SLCO6A1: variants seen among roughly 807,000 people sequenced by gnomAD.
The protein encoded by SLCO6A1 is solute carrier organic anion transporter family member 6A1.
SLCO6A1 carries 65 observed loss-of-function variants against 72.7 expected under a neutral mutation model. That is an observed-to-expected ratio of 0.89 (90% CI 0.73 to 1.10). SLCO6A1 has a LOEUF of 1.10. SLCO6A1 is among the 50% of genes least tolerant of loss of function. The probability of loss-of-function intolerance (pLI) is 0.00; values close to 1 mark genes in which losing one functional copy is unlikely to be tolerated. For missense variants in SLCO6A1, 874 were observed against 872.6 expected (o/e 1.00, Z -0.02); for synonymous variants, 314 against 298.2 (o/e 1.05, Z -0.55).
At chr5:102,455,035 G>A (rs1750635455) in intron 6 of SLCO6A1, among the ~76,000 whole-genome samples, 1 of 83,938 alleles carries the variant, frequency 1.2e-5, no homozygotes, top group African/African-American at 6.4e-5. Flanking sequence ...TATAAATTAT[G>A]TTATAACAAA....
chr5:102,403,763 A>T (rs923068890), intron 9 of SLCO6A1, among the ~76,000 whole-genome samples: 1 of 152,300 alleles, frequency 6.6e-6, no homozygotes, highest in East Asian at 1.9e-4. Flanking sequence ...ATGATTATTC[A>T]TCTGACAAAT....
At chr5:102,482,085 A>G (rs1477447456) in intron 1 of SLCO6A1, among the ~76,000 whole-genome samples, 7 of 152,194 alleles carry the variant, frequency 4.6e-5, no homozygotes, top group African/African-American at 1.7e-4. Flanking sequence ...ATAATGGCCA[A>G]TGTAGGAAAT....
intron 9 of SLCO6A1, among the ~76,000 whole-genome samples, chr5:102,400,521 G>C (rs1464624182): frequency 1.3e-5 from 2 of 152,014 alleles, no homozygotes; most frequent in African/African-American, 2.4e-5. Flanking sequence ...TTGTAGGGTG[G>C]ATAATTTAAG....
chr5:102,377,895 AAC>A (rs533291709), intron 12 of SLCO6A1, among the ~76,000 whole-genome samples: 215 of 88,774 alleles, frequency 2.4e-3, no homozygotes, highest in African/African-American at 8.9e-3. Context: ...GCTGGTCTTA[AAC>A]TCTTTTTTTT....
intron 9 of SLCO6A1, among the ~76,000 whole-genome samples, chr5:102,399,970 T>C (rs1354577446): frequency 6.6e-6 from 1 of 150,942 alleles, no homozygotes; most frequent in East Asian, 1.9e-4. Flanking sequence ...GTGTGTGTAA[T>C]TATAATTACT....
intron 9 of SLCO6A1, among the ~76,000 whole-genome samples, chr5:102,409,016 A>C (rs116049850): frequency 6.6e-6 from 1 of 152,120 alleles, no homozygotes; most frequent in African/African-American, 2.4e-5. Context: ...AATGAAAACT[A>C]TATCAGCGGC....
At chr5:102,452,681 T>C (rs916730346) in intron 6 of SLCO6A1, among the ~76,000 whole-genome samples, 10 of 152,300 alleles carry the variant, frequency 6.6e-5, no homozygotes, top group African/African-American at 2.4e-4. Context: ...GCAAGAAACA[T>C]GGTAAGAGTA....
At chr5:102,469,326 T>G (rs1192782223) in intron 4 of SLCO6A1, among the ~76,000 whole-genome samples, 2 of 152,028 alleles carry the variant, frequency 1.3e-5, no homozygotes, top group African/African-American at 4.8e-5. Context: ...TTTGTGTCCT[T>G]TTTTATTTCG....
At chr5:102,492,589 AT>A (rs1561505577) in intron 1 of SLCO6A1, among the ~76,000 whole-genome samples, 8 of 152,232 alleles carry the variant, frequency 5.3e-5, no homozygotes, top group South Asian at 2.1e-4. Flanking sequence ...CAGGGGAGGC[AT>A]TGCCTCACCT....
chr5:102,399,618 A>C lies in SLCO6A1; in HGVS notation c.1751T>G (p.Phe584Cys), dbSNP rs552839333. 1 of 1,605,946 alleles carries C rather than the reference A, an allele frequency of 6.2e-7. No homozygotes were observed. The highest frequency in any genetic ancestry group is 8.5e-7 in the Non-Finnish European group (1 of 1,174,836). ...KCYKLPLFIAFIFSTLIFSGF... is the reference protein window; with the variant it reads ...KCYKLPLFIACIFSTLIFSGF... ...AGAAAATATAAGTGTAGAAAAGATA[A>C]AAGCAATGAACAAAGGTAACTTATA... Residue 584 changes from phenylalanine to cysteine, a missense_variant, in exon 10 of 14, where the codon TTT becomes TGT. Coordinates refer to ENST00000506729, the MANE Select transcript of SLCO6A1 (RefSeq NM_173488.5).
intron 4 of SLCO6A1, among the ~76,000 whole-genome samples, chr5:102,469,652 C>G (rs151327612): frequency 6.6e-6 from 1 of 152,118 alleles, no homozygotes; most frequent in Non-Finnish European, 1.5e-5. Flanking sequence ...CCCTTTATTT[C>G]TTTCTCTTGC....
At chr5:102,486,787 C>G (rs1433451875) in intron 1 of SLCO6A1, among the ~76,000 whole-genome samples, 3 of 152,012 alleles carry the variant, frequency 2.0e-5, no homozygotes, top group African/African-American at 7.2e-5. Flanking sequence ...ATTCTCTACC[C>G]AAAAATTCGT....
In SLCO6A1 at chr5:102,372,430, A is replaced by T. The variant is rs1212944264; in HGVS notation, c.*16-307T>A. 3.9e-5 allele frequency among the ~76,000 whole-genome samples: 6 copies of T among 152,106 alleles called. 1 individual carries two copies. The East Asian group carries it at 1.2e-3, about 29-fold the overall frequency. On this transcript the variant is annotated intron_variant, in intron 13 of 13. Transcript: ENST00000506729. ...GAGAACCTTGTTCCACAACAATCTG[A>T]TTTTTATACAATATTTGGAAAATCT...
intron 12 of SLCO6A1, among the ~76,000 whole-genome samples, chr5:102,384,465 G>A (rs994401690): frequency 9.9e-5 from 15 of 151,824 alleles, no homozygotes; most frequent in South Asian, 6.2e-4. Context: ...TTTTGTAGTG[G>A]CAGTACGCTT....
chr5:102,373,432 G>T lies in SLCO6A1; in HGVS notation c.2080C>A (p.Arg694Ser), dbSNP rs769220825. Residue 694 changes from arginine to serine, a missense_variant, in exon 13 of 14, where the codon CGT becomes AGT. Physicochemically the swap from Arg to Ser is moderately radical, Grantham distance 110 (BLOSUM62 -1). Coordinates refer to ENST00000506729, the MANE Select transcript of SLCO6A1 (RefSeq NM_173488.5). ...TTIAFFIYKR[R>S]LNENTDFPDV... ...GGGAAGTCAGTGTTCTCATTTAGACGACGTTTGTATATGAAAAATGCAATA... is the reference window on the plus strand; with the variant it reads ...GGGAAGTCAGTGTTCTCATTTAGACTACGTTTGTATATGAAAAATGCAATA... 6.3e-7 allele frequency: 1 copy of T among 1,575,682 alleles called. No homozygotes were observed. The highest frequency in any genetic ancestry group is 8.6e-7 in the Non-Finnish European group (1 of 1,163,656).
At chr5:102,490,807 G>A (rs890801090) in intron 1 of SLCO6A1, among the ~76,000 whole-genome samples, 5 of 152,116 alleles carry the variant, frequency 3.3e-5, no homozygotes, top group Non-Finnish European at 7.4e-5. Flanking sequence ...AGACCTTCGC[G>A]GTGAGTGTTA....
At chr5:102,459,877 GGGTT>G in intron 4 of SLCO6A1, 100 bp from the exon 5 acceptor site, 1 of 1,006,404 alleles carries the variant, frequency 9.9e-7, no homozygotes, top group Non-Finnish European at 1.4e-6. Context: ...GAGAGAGGGA[GGGTT>G]GGAGAGTGAG....
chr5:102,412,145 C>G (rs1056154119), intron 9 of SLCO6A1, among the ~76,000 whole-genome samples: 5 of 152,024 alleles, frequency 3.3e-5, no homozygotes, highest in African/African-American at 1.2e-4. Context: ...ACCCCAAAAC[C>G]CTACCCCAGC....
At chr5:102,467,431 T>C (rs1721239687) in intron 4 of SLCO6A1, among the ~76,000 whole-genome samples, 1 of 151,774 alleles carries the variant, frequency 6.6e-6, no homozygotes, top group Non-Finnish European at 1.5e-5. Flanking sequence ...ATAACAAAAC[T>C]GGTGGCAGGC....
Sources: gnomAD v4.1 joint callset for allele counts (sites outside exome capture counted in the v4.1 genomes callset) on GRCh38, gnomAD v4.1.1 for gene constraint, MANE v1.5 for transcripts, NCBI Gene and HGNC (gene_info 2026-07-23, HGNC 2026-07-21) for gene names.